The following SLC24A3 variants were observed in gnomAD, a reference collection of about 807,000 sequenced individuals.
The protein encoded by SLC24A3 is solute carrier family 24 member 3, also known as sodium/potassium/calcium exchanger 3.
SLC24A3 carries 28 observed loss-of-function variants against 75.8 expected under a neutral mutation model. That is an observed-to-expected ratio of 0.37 (90% CI 0.27 to 0.51). SLC24A3 has a LOEUF of 0.51. Among genes scored for constraint, SLC24A3 ranks in the 20% least tolerant of loss-of-function variants. SLC24A3 has a pLI of 0.94. For synonymous variants in SLC24A3, 372 were observed against 334.1 expected, an observed-to-expected ratio of 1.11 and a Z score of -1.24; for missense variants, 663 against 847.8, an observed-to-expected ratio of 0.78 and a Z score of 2.71.
intron 12 of SLC24A3, among the ~76,000 whole-genome samples, chr20:19,687,077 T>G (rs1272030936): frequency 6.6e-6 from 1 of 152,226 alleles, no homozygotes; most frequent in Admixed American, 6.5e-5. Flanking sequence ...ACCCTCTGAT[T>G]AGCTTACAGT....
intron 3 of SLC24A3, among the ~76,000 whole-genome samples, chr20:19,561,927 G>T (rs1333399384): frequency 6.6e-6 from 1 of 152,190 alleles, no homozygotes; most frequent in Non-Finnish European, 1.5e-5. Flanking sequence ...CATCTGGGCA[G>T]AGCAAGGGTA....
intron 2 of SLC24A3, among the ~76,000 whole-genome samples, chr20:19,299,109 T>G (rs1913106247): frequency 6.6e-6 from 1 of 152,180 alleles, no homozygotes; most frequent in Admixed American, 6.5e-5. Flanking sequence ...CTACATGATT[T>G]CAATGTTGTT....
chr20:19,488,486 A>C (rs1254305549), intron 2 of SLC24A3, among the ~76,000 whole-genome samples: 1 of 152,196 alleles, frequency 6.6e-6, no homozygotes, highest in East Asian at 1.9e-4. Context: ...GAAAGAAATG[A>C]GAATGAGAGC....
intron 1 of SLC24A3, among the ~76,000 whole-genome samples, chr20:19,215,513 G>A (rs6045910): frequency 0.41 from 61,834 of 151,914 alleles, 14,257 homozygotes; most frequent in East Asian, 0.77. Context: ...AAGCCATGCA[G>A]TGATTGTTAA....
chr20:19,283,913 G>T (rs1983734397), intron 2 of SLC24A3, among the ~76,000 whole-genome samples: 1 of 152,164 alleles, frequency 6.6e-6, no homozygotes, highest in African/African-American at 2.4e-5. Context: ...ACATTCTCCA[G>T]CTACTCCCTG....
chr20:19,258,547 T>C (rs1982884862), intron 1 of SLC24A3, among the ~76,000 whole-genome samples: 1 of 152,002 alleles, frequency 6.6e-6, no homozygotes, highest in African/African-American at 2.4e-5. Flanking sequence ...CTAATAAAAA[T>C]ACAAAATTAG....
chr20:19,368,637 T>C (rs1985938886), intron 2 of SLC24A3, among the ~76,000 whole-genome samples: 1 of 152,224 alleles, frequency 6.6e-6, no homozygotes. Flanking sequence ...CAGTCTCTGG[T>C]ACATCTGCTT....
intron 2 of SLC24A3, among the ~76,000 whole-genome samples, chr20:19,348,720 C>A (rs948502285): frequency 5.3e-5 from 8 of 152,126 alleles, no homozygotes; most frequent in Non-Finnish European, 7.4e-5. Flanking sequence ...GCCTGTGTCA[C>A]CTTACAGTCT....
intron 2 of SLC24A3, among the ~76,000 whole-genome samples, chr20:19,296,162 T>C (rs1360945512): frequency 1.3e-5 from 2 of 152,124 alleles, no homozygotes; most frequent in Non-Finnish European, 2.9e-5. Flanking sequence ...TTTATAGTAT[T>C]CTCTGACAGT....
intron 2 of SLC24A3, among the ~76,000 whole-genome samples, chr20:19,361,059 C>A (rs1226129779): frequency 1.3e-5 from 2 of 152,214 alleles, no homozygotes; most frequent in Non-Finnish European, 2.9e-5. Context: ...GATCTCCTGA[C>A]CTCGTGATCC....
chr20:19,713,724 G>A (rs1050065697), intron 15 of SLC24A3, among the ~76,000 whole-genome samples: 4 of 152,092 alleles, frequency 2.6e-5, no homozygotes, highest in Non-Finnish European at 4.4e-5. Context: ...TTATTCAGAA[G>A]GTATTACACA....
rs181241658 is a variant in SLC24A3, at chr20:19,215,017, T to A, written c.142+2033T>A. ...CCGAATGACATATGAGTTGAAATGGTCTCCAATCACTTTTTTTTCCGTTAG... is the reference window on the plus strand; with the variant it reads ...CCGAATGACATATGAGTTGAAATGGACTCCAATCACTTTTTTTTCCGTTAG... On this transcript the variant is annotated intron_variant, in intron 1 of 16. Coordinates refer to ENST00000328041, the MANE Select transcript of SLC24A3 (RefSeq NM_020689.4). 3.0e-4 allele frequency among the ~76,000 whole-genome samples: 45 copies of A among 152,256 alleles called. No individual in the cohort carries two copies. In the East Asian group the frequency reaches 8.7e-3, roughly 29 times the overall value.
In SLC24A3 at chr20:19,693,194, T is replaced by G. The variant is rs2032765352; in HGVS notation, c.1325-65T>G. On this transcript the variant is annotated intron_variant, in intron 12 of 16. Coordinates refer to ENST00000328041, the MANE Select transcript of SLC24A3 (RefSeq NM_020689.4). Reference sequence around the variant, plus strand: ...ACAGACACTTGGCAGAGCAAAGAAATAAAGCTAACTGGGGTTCTTTGTTAT... The same window carrying G: ...ACAGACACTTGGCAGAGCAAAGAAAGAAAGCTAACTGGGGTTCTTTGTTAT... The G allele has an allele frequency of 3.3e-6, 5 of 1,523,082 alleles. No homozygotes were observed. The South Asian group carries it at 6.3e-5, about 19-fold the overall frequency. The allele number at this position is 1,523,082 out of a possible 1,614,324, so 94.3% of individuals were successfully genotyped here.
intron 6 of SLC24A3, among the ~76,000 whole-genome samples, chr20:19,632,861 G>A (rs2031951971): frequency 1.3e-5 from 2 of 152,224 alleles, no homozygotes; most frequent in African/African-American, 4.8e-5. Flanking sequence ...TCTTAGGGCT[G>A]TTTGAATTCA....
In SLC24A3 at chr20:19,327,123, T is replaced by G. The variant is rs147046465; in HGVS notation, c.271+46036T>G. ...TTGGATCATTTTATCCTGTTCTGTT[T>G]CAAACACCTGGAAGGTAATTTCTAA... On this transcript the variant is annotated intron_variant, in intron 2 of 16. Coordinates refer to ENST00000328041, the MANE Select transcript of SLC24A3 (RefSeq NM_020689.4). Among the ~76,000 whole-genome samples, 4 of 152,364 alleles carry G rather than the reference T, an allele frequency of 2.6e-5. No homozygotes were observed. The East Asian group carries it at 7.7e-4, about 29-fold the overall frequency.
At chr20:19,637,762 A>T (rs2032018868) in intron 6 of SLC24A3, among the ~76,000 whole-genome samples, 2 of 152,196 alleles carry the variant, frequency 1.3e-5, no homozygotes, top group Non-Finnish European at 2.9e-5. Flanking sequence ...TGGAGTGAGG[A>T]GGTGGCTGGA....
At position 19,447,489 on chromosome 20, in the gene SLC24A3, A is replaced by G. The variant is rs73900158; in HGVS notation, c.272-67999A>G. Among the ~76,000 whole-genome samples, 467 of 152,274 alleles carry G rather than the reference A, an allele frequency of 3.1e-3. 5 individuals carry two copies. Among genetic ancestry groups the G allele is most frequent in the African/African-American group, 0.011 (448 of 41,560 alleles). Reference sequence around the variant, plus strand: ...GACTAGGGCCTGAACAGGTGCAGTTATGGGAGGCAAAGTGTTGTTCAATAG... The same window carrying G: ...GACTAGGGCCTGAACAGGTGCAGTTGTGGGAGGCAAAGTGTTGTTCAATAG... On this transcript the variant is annotated intron_variant, in intron 2 of 16. Transcript: ENST00000328041.
chr20:19,703,247 G>A (rs1482195204), intron 15 of SLC24A3, among the ~76,000 whole-genome samples: 2 of 152,094 alleles, frequency 1.3e-5, no homozygotes, highest in African/African-American at 4.8e-5. Context: ...ATCCTTCTAA[G>A]CTCTGCCCAA....
At chr20:19,407,681 C>A (rs1986672585) in intron 2 of SLC24A3, among the ~76,000 whole-genome samples, 2 of 152,204 alleles carry the variant, frequency 1.3e-5, no homozygotes, top group Non-Finnish European at 2.9e-5. Context: ...TGATAGTTGT[C>A]ATTTAAACTA....
Sources: allele counts gnomAD v4.1 joint callset (sites outside exome capture counted in the v4.1 genomes callset), GRCh38; gene constraint gnomAD v4.1.1; transcripts MANE v1.5; gene names NCBI Gene and HGNC (gene_info 2026-07-23, HGNC 2026-07-21).